KCNAB1: variants seen among roughly 807,000 people sequenced by gnomAD.
The protein encoded by KCNAB1 is voltage-gated potassium channel subunit beta-1.
In KCNAB1, 35 loss-of-function variants were observed where a neutral mutation model predicts 64.6. The observed-to-expected ratio is 0.54, with a 90% CI of 0.41 to 0.72. The LOEUF (loss-of-function observed/expected upper bound fraction) is 0.72. Ranked by LOEUF, KCNAB1 falls within the 30% of genes least tolerant of loss-of-function variation. The probability of loss-of-function intolerance (pLI) is 0.00; values close to 1 mark genes in which losing one functional copy is unlikely to be tolerated. For missense variants in KCNAB1, 401 were observed against 512.9 expected (o/e 0.78, Z 2.11); for synonymous variants, 177 against 183.8 (o/e 0.96, Z 0.30).
chr3:156,157,820 A>G lies in KCNAB1; in HGVS notation c.275+36934A>G, dbSNP rs140001383. ...AAACACACAAATATTAGCCGTTGCT[A>G]TTTTTAGGCATTAGAAAGGTGGATT... On this transcript the variant is annotated intron_variant, in intron 1 of 13. Coordinates refer to ENST00000490337, the MANE Select transcript of KCNAB1 (RefSeq NM_172160.3). Among the ~76,000 whole-genome samples the G allele has an allele frequency of 3.7e-3, 557 of 152,260 alleles. 3 individuals are homozygous for G. Among genetic ancestry groups the G allele is most frequent in the African/African-American group, 0.013 (526 of 41,558 alleles).
At chr3:156,335,846 T>TGG (rs1178402391) in intron 1 of KCNAB1, among the ~76,000 whole-genome samples, 2 of 141,562 alleles carry the variant, frequency 1.4e-5, no homozygotes, top group African/African-American at 5.8e-5. Context: ...TCTATAAAAT[T>TGG]GTTTGGGTTT....
In KCNAB1 at chr3:156,304,046, G is replaced by A. The variant is rs188498342; in HGVS notation, c.276-117570G>A. On this transcript the variant is annotated intron_variant, in intron 1 of 13. Transcript: ENST00000490337. ...TAGCAGCAAGGCAGTACTATCACAC[G>A]ACAATATCACTGAGAAAGTATTTGG... Among the ~76,000 whole-genome samples, 19 of 152,218 alleles carry A rather than the reference G, an allele frequency of 1.2e-4. No individual in the cohort carries two copies. In the East Asian group the frequency reaches 2.1e-3, roughly 17 times the overall value.
chr3:156,423,895 C>A (rs1179465805), intron 2 of KCNAB1, among the ~76,000 whole-genome samples: 1 of 151,960 alleles, frequency 6.6e-6, no homozygotes, highest in African/African-American at 2.4e-5. Flanking sequence ...AGTATATATC[C>A]CAGAGGGACT....
chr3:156,121,232 C>T (rs1445416894), intron 1 of KCNAB1, among the ~76,000 whole-genome samples: 1 of 152,102 alleles, frequency 6.6e-6, no homozygotes, highest in Non-Finnish European at 1.5e-5. Context: ...AAAGAGTTTG[C>T]AATCTTTCAG....
At chr3:156,304,767 G>A (rs948423855) in intron 1 of KCNAB1, among the ~76,000 whole-genome samples, 1 of 152,176 alleles carries the variant, frequency 6.6e-6, no homozygotes, top group African/African-American at 2.4e-5. Flanking sequence ...AGCCATTGCG[G>A]TTTTTTGTTT....
chr3:156,258,403 G>A (rs1456343346), intron 1 of KCNAB1, among the ~76,000 whole-genome samples: 1 of 152,122 alleles, frequency 6.6e-6, no homozygotes, highest in African/African-American at 2.4e-5. Context: ...TTTCTATCAT[G>A]TACTGTCATC....
chr3:156,362,938 T>G (rs1313684621), intron 1 of KCNAB1, among the ~76,000 whole-genome samples: 1 of 152,236 alleles, frequency 6.6e-6, no homozygotes, highest in Non-Finnish European at 1.5e-5. Context: ...CGGAACTTTC[T>G]GAGGCATTGT....
intron 7 of KCNAB1, among the ~76,000 whole-genome samples, chr3:156,469,248 CTTTTTTTT>C (rs34567814): frequency 2.7e-5 from 2 of 72,956 alleles, no homozygotes; most frequent in African/African-American, 5.7e-5. Flanking sequence ...TTCTTTCTTT[CTTTTTTTT>C]TTTTTTTTTT....
chr3:156,187,882 G>A (rs928625696), intron 1 of KCNAB1, among the ~76,000 whole-genome samples: 4 of 152,032 alleles, frequency 2.6e-5, no homozygotes, highest in South Asian at 2.1e-4. Context: ...CCCCTTCATT[G>A]GTTTCCCAAT....
At chr3:156,394,814 C>T (rs2108175809) in intron 1 of KCNAB1, among the ~76,000 whole-genome samples, 1 of 152,282 alleles carries the variant, frequency 6.6e-6, no homozygotes, top group East Asian at 1.9e-4. Context: ...AAGAATGTAC[C>T]AGGAGTTCTT....
chr3:156,191,507 T>C (rs1487682848), intron 1 of KCNAB1, among the ~76,000 whole-genome samples: 2 of 152,212 alleles, frequency 1.3e-5, no homozygotes, highest in Non-Finnish European at 2.9e-5. Context: ...AAAGCCTATA[T>C]GCAACCCCCA....
intron 2 of KCNAB1, chr3:156,446,057 G>A (rs991828493): frequency 7.9e-5 from 12 of 152,224 alleles, no homozygotes; most frequent in Admixed American, 7.2e-4. Flanking sequence ...AAGAAACTAT[G>A]GCTTAGCAGC....
At chr3:156,247,327 T>A (rs948936433) in intron 1 of KCNAB1, among the ~76,000 whole-genome samples, 2 of 152,200 alleles carry the variant, frequency 1.3e-5, no homozygotes, top group African/African-American at 4.8e-5. Context: ...AGCATTCTAC[T>A]GGACAAAATA....
At chr3:156,170,319 G>A (rs780694315) in intron 1 of KCNAB1, among the ~76,000 whole-genome samples, 1 of 151,332 alleles carries the variant, frequency 6.6e-6, no homozygotes, top group Non-Finnish European at 1.5e-5. Flanking sequence ...AGCAACTGCA[G>A]TTATTGGCAT....
intron 12 of KCNAB1, chr3:156,524,287 G>A (rs895178321): frequency 1.1e-5 from 2 of 179,422 alleles, no homozygotes; most frequent in Non-Finnish European, 2.3e-5. Flanking sequence ...ACTAAACCAG[G>A]GTTGGTGAGA....
chr3:156,502,036 C>A (rs187273949), intron 8 of KCNAB1, among the ~76,000 whole-genome samples: 1 of 152,258 alleles, frequency 6.6e-6, no homozygotes, highest in African/African-American at 2.4e-5. Flanking sequence ...GGGTCCCTCC[C>A]GCAACATGTG....
chr3:156,502,550 ACACACACAC>A, intron 8 of KCNAB1, among the ~76,000 whole-genome samples: 1 of 150,084 alleles, frequency 6.7e-6, no homozygotes, highest in East Asian at 1.9e-4. Flanking sequence ...ACACACACAC[ACACACACAC>A]ACACACACAC....
chr3:156,430,352 G>A (rs1324522865), intron 2 of KCNAB1, among the ~76,000 whole-genome samples: 4 of 152,158 alleles, frequency 2.6e-5, no homozygotes, highest in South Asian at 2.1e-4. Context: ...ATGCATGCAC[G>A]CACACACCTC....
intron 1 of KCNAB1, chr3:156,143,084 T>C: frequency 6.8e-7 from 1 of 1,462,894 alleles, no homozygotes; most frequent in Non-Finnish European, 9.0e-7. Flanking sequence ...AGGGACATAC[T>C]GAAGCCAGAT....
Sources: allele counts gnomAD v4.1 joint callset (sites outside exome capture counted in the v4.1 genomes callset), GRCh38; gene constraint gnomAD v4.1.1; transcripts MANE v1.5; gene names NCBI Gene and HGNC (gene_info 2026-07-23, HGNC 2026-07-21).